TSPEAR: variants seen among roughly 807,000 people sequenced by gnomAD.
TSPEAR encodes thrombospondin type laminin G domain and EAR repeats.
A neutral mutation model predicts 71.6 loss-of-function variants in TSPEAR; 69 were observed. The ratio of observed to expected loss-of-function variants is 0.96; its 90% CI spans 0.79 to 1.18. The LOEUF (loss-of-function observed/expected upper bound fraction) is 1.18, where lower values mean the gene tolerates loss of function less well. Ranked by LOEUF, TSPEAR falls within the 50% of genes most tolerant of loss-of-function variation. TSPEAR has a pLI of 0.00. For missense variants in TSPEAR, 971 were observed against 894.9 expected (o/e 1.09, Z -1.09); for synonymous variants, 402 against 387.2 (o/e 1.04, Z -0.45).
rs1555925988 is a variant in TSPEAR at position 44,588,676 on chromosome 21, A to ATATATATTTATT, written c.83-20672_83-20671insAATAAATATATA. ...ATAAAGAAACTTTTATATATATAAT[A>ATATATATTTATT]TATATATATTTATTTATATATTTAT... is the stretch of plus-strand genomic sequence containing the variant. On this transcript the variant is annotated intron_variant, in intron 1 of 11. Coordinates refer to ENST00000323084, the MANE Select transcript of TSPEAR (RefSeq NM_144991.3). 9.2e-5 allele frequency among the ~76,000 whole-genome samples: 13 copies of ATATATATTTATT among 141,432 alleles called. No individual in the cohort carries two copies. The South Asian group carries it at 1.5e-3, about 17-fold the overall frequency. 92.8% of individuals were successfully genotyped at this position (141,432 alleles called of 152,430 possible). A position where few individuals can be genotyped will look rare whatever the true frequency, so the allele number is the denominator to read the frequency against.
At chr21:44,541,422 T>C (rs1243646162) in intron 2 of TSPEAR, among the ~76,000 whole-genome samples, 1 of 152,186 alleles carries the variant, frequency 6.6e-6, no homozygotes, top group African/African-American at 2.4e-5. Context: ...TGAGAAATAT[T>C]AGGAAATCTG....
intron 9 of TSPEAR, among the ~76,000 whole-genome samples, chr21:44,510,185 G>C (rs184341740): frequency 3.3e-5 from 5 of 152,194 alleles, no homozygotes; most frequent in African/African-American, 9.7e-5. Flanking sequence ...AGCACCTTGG[G>C]GATAAGGGTG....
intron 1 of TSPEAR, among the ~76,000 whole-genome samples, chr21:44,622,218 T>C (rs1212385332): frequency 6.6e-6 from 1 of 152,244 alleles, no homozygotes; most frequent in Non-Finnish European, 1.5e-5. Flanking sequence ...ACATCTGCTG[T>C]GCAGGACTGG....
At chr21:44,571,411 T>C (rs1167518154) in intron 1 of TSPEAR, among the ~76,000 whole-genome samples, 3 of 152,218 alleles carry the variant, frequency 2.0e-5, no homozygotes, top group African/African-American at 2.4e-5. Flanking sequence ...AACACGATTC[T>C]TAGTGGGGAA....
chr21:44,587,191 T>C (rs1460558943), intron 1 of TSPEAR, among the ~76,000 whole-genome samples: 2 of 152,172 alleles, frequency 1.3e-5, no homozygotes, highest in Non-Finnish European at 2.9e-5. Context: ...TTCAGCAAAG[T>C]TTCCAGATGC....
chr21:44,611,354 C>A (rs1301276506), intron 1 of TSPEAR, among the ~76,000 whole-genome samples: 1 of 152,122 alleles, frequency 6.6e-6, no homozygotes, highest in Non-Finnish European at 1.5e-5. Flanking sequence ...ATAAGTCTCA[C>A]AAGATCTGAT....
chr21:44,697,114 T>C, intron 1 of TSPEAR: 9 of 1,564,874 alleles, frequency 5.8e-6, no homozygotes, highest in Non-Finnish European at 7.8e-6. Flanking sequence ...AGACACTCAC[T>C]CACTCCCTCC....
intron 9 of TSPEAR, 138 bp downstream of exon 9, chr21:44,521,745 G>T: frequency 1.3e-6 from 1 of 794,690 alleles, no homozygotes; most frequent in Non-Finnish European, 2.0e-6. Flanking sequence ...CCCTGCCTGG[G>T]TTTTGGGGTC....
chr21:44,508,406 G>A (rs1282824039), intron 10 of TSPEAR: 11 of 939,198 alleles, frequency 1.2e-5, no homozygotes, highest in Admixed American at 5.1e-5. Context: ...CATGAAACCC[G>A]AGGAAACCTG....
At chr21:44,511,880 A>G (rs1262716940) in intron 9 of TSPEAR, among the ~76,000 whole-genome samples, 1 of 152,220 alleles carries the variant, frequency 6.6e-6, no homozygotes, top group Non-Finnish European at 1.5e-5. Context: ...AGAGAGCTTT[A>G]CTGCAAGTTG....
At chr21:44,575,082 C>G in intron 1 of TSPEAR, 1 of 1,447,782 alleles carries the variant, frequency 6.9e-7, no homozygotes, top group Non-Finnish European at 9.4e-7. Flanking sequence ...AGCTGATAGT[C>G]GCGTCCTGAA....
Position 44,683,887 on chromosome 21 carries a change from GC to G in TSPEAR, c.82+27545del, listed in dbSNP as rs201560087. Among the ~76,000 whole-genome samples, 64 of 152,228 alleles carry G rather than the reference GC, an allele frequency of 4.2e-4. 1 individual carries two copies. In the East Asian group the frequency reaches 0.012, roughly 28 times the overall value. Reference sequence around the variant, plus strand: ...AGGGAATCTCAGTAGAGTAATTGAAGCTATTTTTTAAAATGGGAATCCTAGA... The same window carrying G: ...AGGGAATCTCAGTAGAGTAATTGAAGTATTTTTTAAAATGGGAATCCTAGA... On this transcript the variant is annotated intron_variant, in intron 1 of 11. Coordinates refer to ENST00000323084, the MANE Select transcript of TSPEAR (RefSeq NM_144991.3).
intron 1 of TSPEAR, among the ~76,000 whole-genome samples, chr21:44,660,937 G>A (rs1029602840): frequency 6.6e-6 from 1 of 151,470 alleles, no homozygotes; most frequent in Non-Finnish European, 1.5e-5. Context: ...ACTGCACTCT[G>A]TCCTGGGAAC....
chr21:44,641,944 G>A (rs140920300), intron 1 of TSPEAR, among the ~76,000 whole-genome samples: 2 of 152,036 alleles, frequency 1.3e-5, no homozygotes, highest in African/African-American at 4.8e-5. Flanking sequence ...GAAGAAACAC[G>A]ACCCCCTCTT....
At chr21:44,708,120 T>C (rs1555952872) in intron 1 of TSPEAR, among the ~76,000 whole-genome samples, 1 of 151,606 alleles carries the variant, frequency 6.6e-6, no homozygotes, top group East Asian at 1.9e-4. Context: ...AGTGCAAGTG[T>C]GCGCTGGGGG....
At chr21:44,619,703 A>T (rs1982324291) in intron 1 of TSPEAR, among the ~76,000 whole-genome samples, 1 of 152,278 alleles carries the variant, frequency 6.6e-6, no homozygotes, top group African/African-American at 2.4e-5. Flanking sequence ...CTGGAATTGG[A>T]AAGTACAGTC....
Position 44,666,213 on chromosome 21 carries a change from G to A in TSPEAR, c.82+45220C>T, listed in dbSNP as rs587698717. On this transcript the variant is annotated intron_variant, in intron 1 of 11. Transcript: ENST00000323084. ...CTGCATGGGGAAAGCTGGTTTATTT[G>A]GCTCTCATGGGGTCAGAGAATGACT... 10 of 514,864 alleles carry A rather than the reference G, an allele frequency of 1.9e-5. No homozygotes were observed. The South Asian group carries it at 2.8e-4, about 15-fold the overall frequency. 31.9% of individuals were successfully genotyped at this position (514,864 alleles called of 1,614,324 possible).
At chr21:44,504,376 T>G (rs1187439278) in intron 11 of TSPEAR, among the ~76,000 whole-genome samples, 30 of 87,086 alleles carry the variant, frequency 3.4e-4, no homozygotes, top group African/African-American at 8.6e-4. Flanking sequence ...GCAAGTCTCT[T>G]GGAGGAAGCT....
In TSPEAR at chr21:44,710,617, G is replaced by A. The variant is rs1464407587; in HGVS notation, c.82+816C>T. On this transcript the variant is annotated intron_variant, in intron 1 of 11. Transcript: ENST00000323084. The surrounding 1 kb of genome is among the most constrained non-coding windows in gnomAD (Gnocchi z 4.6). ...AACCAGAAGCGCAAGCCATCTCCTCGCCTCCCCTGATAGCCGTGCTGCGGA... is the reference window on the plus strand; with the variant it reads ...AACCAGAAGCGCAAGCCATCTCCTCACCTCCCCTGATAGCCGTGCTGCGGA... Among the ~76,000 whole-genome samples the A allele has an allele frequency of 1.3e-5, 2 of 152,184 alleles. No homozygotes were observed. The highest frequency in any genetic ancestry group is 2.9e-5 in the Non-Finnish European group (2 of 68,030).
Sources: allele counts gnomAD v4.1 joint callset (sites outside exome capture counted in the v4.1 genomes callset), GRCh38; gene constraint gnomAD v4.1.1; non-coding constraint Gnocchi (gnomAD v3.1); transcripts MANE v1.5; gene names NCBI Gene and HGNC (gene_info 2026-07-23, HGNC 2026-07-21).